UNC13C: variants seen among roughly 807,000 people sequenced by gnomAD.
The protein encoded by UNC13C is protein unc-13 homolog C.
Under a neutral mutation model 245.4 loss-of-function variants are expected in UNC13C, and 174 were observed. That is an observed-to-expected ratio of 0.71 (90% CI 0.63 to 0.80). UNC13C has a LOEUF of 0.80. UNC13C is among the 30% of genes least tolerant of loss of function. The pLI is 0.00. For synonymous variants in UNC13C, 992 were observed against 895.1 expected (o/e 1.11, Z -1.93); for missense variants, 2,829 against 2,602.9 (o/e 1.09, Z -1.89).
At chr15:54,450,539 C>T (rs771295163) in intron 19 of UNC13C, among the ~76,000 whole-genome samples, 5 of 152,194 alleles carry the variant, frequency 3.3e-5, no homozygotes, top group Non-Finnish European at 7.3e-5. Flanking sequence ...TAGCAATGAG[C>T]GAGGCTCCAT....
chr15:54,181,488 T>C (rs2033796792), intron 4 of UNC13C, among the ~76,000 whole-genome samples: 1 of 123,006 alleles, frequency 8.1e-6, no homozygotes, highest in Non-Finnish European at 1.6e-5. Context: ...GTTTTTTGTT[T>C]GTTTTTGTTT....
chr15:54,339,592 T>C (rs535741491), intron 17 of UNC13C, among the ~76,000 whole-genome samples: 1 of 152,236 alleles, frequency 6.6e-6, no homozygotes, highest in South Asian at 2.1e-4. Flanking sequence ...GTGAATGCCA[T>C]TAATTCATTC....
intron 2 of UNC13C, among the ~76,000 whole-genome samples, chr15:54,113,153 G>A (rs768727608): frequency 3.3e-5 from 5 of 151,820 alleles, no homozygotes; most frequent in South Asian, 4.2e-4. Flanking sequence ...TTGCAAACTC[G>A]TTGGGAGAAG....
At chr15:54,423,918 G>A (rs879502514) in intron 19 of UNC13C, among the ~76,000 whole-genome samples, 1 of 151,638 alleles carries the variant, frequency 6.6e-6, no homozygotes, top group Non-Finnish European at 1.5e-5. Context: ...CCTTATTAGT[G>A]GTTTTTAGAA....
intron 2 of UNC13C, among the ~76,000 whole-genome samples, chr15:54,029,392 TTGATACTATTA>T (rs1160681190): frequency 2.0e-5 from 3 of 152,238 alleles, no homozygotes; most frequent in African/African-American, 7.2e-5. Context: ...GTTTCCTTCC[TTGATACTATTA>T]TGATCCGGTT....
chr15:54,490,154 G>GT (rs1289794498), intron 19 of UNC13C, among the ~76,000 whole-genome samples: 3 of 152,274 alleles, frequency 2.0e-5, no homozygotes, highest in East Asian at 1.9e-4. Context: ...TTTTTCTAAT[G>GT]TTTTTTCCCA....
chr15:54,036,276 G>T (rs771653225), intron 2 of UNC13C, among the ~76,000 whole-genome samples: 6 of 152,150 alleles, frequency 3.9e-5, no homozygotes, highest in East Asian at 1.9e-4. Context: ...CTTGAGGTGC[G>T]ACTGACACTA....
chr15:53,944,810 G>C, the UNC13C span, among the ~76,000 whole-genome samples: 1 of 152,130 alleles, frequency 6.6e-6, no homozygotes, highest in Non-Finnish European at 1.5e-5. Flanking sequence ...GGTCAAATGA[G>C]AGTTCTGTTT....
the UNC13C span, among the ~76,000 whole-genome samples, chr15:53,838,720 C>T: frequency 6.6e-6 from 1 of 151,850 alleles, no homozygotes; most frequent in Non-Finnish European, 1.5e-5. Context: ...TTTTTGTTCT[C>T]TAATTTTTTT....
chr15:54,546,802 A>T lies in UNC13C; in HGVS notation c.5777A>T (p.Lys1926Ile). Residue 1926 changes from lysine (K) to isoleucine (I), a missense_variant, in exon 27 of 33, where the codon AAA (lysine) becomes ATA (isoleucine). Transcript: ENST00000260323. ...LKELWKLVLN[K>I]IEKQIVLPPL... is the part of the protein sequence containing the mutation. Reference sequence around the variant, plus strand: ...GAGTTATGGAAGCTAGTTCTCAACAAAATAGAAAAACAAATTGTTCTTCCT... The same window carrying T: ...GAGTTATGGAAGCTAGTTCTCAACATAATAGAAAAACAAATTGTTCTTCCT... The T allele has an allele frequency of 6.3e-7, 1 of 1,576,156 alleles. No individual in the cohort carries two copies. The highest frequency in any genetic ancestry group is 1.3e-5 in the African/African-American group (1 of 74,220).
the UNC13C span, among the ~76,000 whole-genome samples, chr15:53,851,867 G>A: frequency 4.6e-5 from 7 of 152,314 alleles, no homozygotes; most frequent in Admixed American, 2.6e-4. Flanking sequence ...CGTCTGGGGA[G>A]GACAAGGAAG....
At chr15:53,954,821 C>T in the UNC13C span, among the ~76,000 whole-genome samples, 68 of 152,198 alleles carry the variant, frequency 4.5e-4, no homozygotes, top group African/African-American at 1.3e-3. Context: ...CAAAATGCTA[C>T]GGTTAAGTTT....
chr15:54,286,601 CA>C (rs2037156947), intron 10 of UNC13C, among the ~76,000 whole-genome samples: 1 of 151,918 alleles, frequency 6.6e-6, no homozygotes, highest in Admixed American at 6.6e-5. Flanking sequence ...ATAACTTGGC[CA>C]AAAAAATTTT....
chr15:54,459,345 C>G (rs72736515), intron 19 of UNC13C, among the ~76,000 whole-genome samples: 46,229 of 151,718 alleles, frequency 0.3, 7,475 homozygotes, highest in East Asian at 0.52. Context: ...TTCATCTTGA[C>G]TTTAGGTAAC....
intron 30 of UNC13C, among the ~76,000 whole-genome samples, chr15:54,591,706 C>T (rs1898799193): frequency 6.6e-6 from 1 of 151,822 alleles, no homozygotes; most frequent in Non-Finnish European, 1.5e-5. Flanking sequence ...GCTAATAGTC[C>T]ATCAATTTTA....
intron 2 of UNC13C, among the ~76,000 whole-genome samples, chr15:54,084,729 A>G (rs2141124158): frequency 6.6e-6 from 1 of 152,334 alleles, no homozygotes; most frequent in South Asian, 2.1e-4. Context: ...CACAAATATT[A>G]CTGCTAGTTG....
rs571677461 is a variant in UNC13C, at chr15:54,047,569, A to G, written c.2983+31683A>G. On this transcript the variant is annotated intron_variant, in intron 2 of 32. Transcript: ENST00000260323. Reference sequence around the variant, plus strand: ...TTTTCAAGGTTTATCCTGTTGTAGCATTTATCAGAATTTCATCCCTTTTTA... The same window carrying G: ...TTTTCAAGGTTTATCCTGTTGTAGCGTTTATCAGAATTTCATCCCTTTTTA... Among the ~76,000 whole-genome samples, 29 of 152,230 alleles carry G rather than the reference A, an allele frequency of 1.9e-4. No homozygotes were observed. In the South Asian group the frequency reaches 6.0e-3, roughly 32 times the overall value.
At chr15:54,418,355 C>T (rs1396970974) in intron 19 of UNC13C, among the ~76,000 whole-genome samples, 2 of 152,030 alleles carry the variant, frequency 1.3e-5, no homozygotes, top group Non-Finnish European at 2.9e-5. Flanking sequence ...GAAAAATATT[C>T]CATTAAATCC....
At position 54,013,756 on chromosome 15, in the gene UNC13C, C is replaced by T; in HGVS notation, c.853C>T (p.Gln285Ter). 2 of 1,610,832 alleles carry T rather than the reference C, an allele frequency of 1.2e-6. No individual in the cohort carries two copies. The highest frequency in any genetic ancestry group is 1.7e-6 in the Non-Finnish European group (2 of 1,178,638). The change falls in exon 2 of 33, where the codon CAA (glutamine) becomes TAA (stop). Residue 285 changes from glutamine (Q) to a stop codon, truncating the protein, a stop_gained. Transcript: ENST00000260323. LOFTEE classifies it high-confidence loss of function. ...DEISSSVEVV[Q>*]SEIEQLRTGF... ...GATCTCCAGCAGTGTGGAGGTTGTA[C>T]AAAGTGAAATTGAGCAGTTGCGCAC...
Sources: gnomAD v4.1 joint callset for allele counts (sites outside exome capture counted in the v4.1 genomes callset) on GRCh38, gnomAD v4.1.1 for gene constraint, MANE v1.5 for transcripts, NCBI Gene and HGNC (gene_info 2026-07-23, HGNC 2026-07-21) for gene names.